Variants in PAPPA observed in about 807,000 individuals in gnomAD.
The protein encoded by PAPPA is pappalysin-1.
Under a neutral mutation model 164.0 loss-of-function variants are expected in PAPPA, and 60 were observed. The ratio of observed to expected loss-of-function variants is 0.37; its 90% confidence interval spans 0.30 to 0.45. The LOEUF (loss-of-function observed/expected upper bound fraction) is 0.45. PAPPA is among the 20% of genes least tolerant of loss of function. The pLI is 1.00. For synonymous variants in PAPPA, 875 were observed against 814.1 expected (o/e 1.07, Z -1.27); for missense variants, 1,782 against 2,087.3 (o/e 0.85, Z 2.85).
intron 21 of PAPPA, among the ~76,000 whole-genome samples, chr9:116,392,840 A>C (rs1030127456): frequency 3.9e-5 from 6 of 152,206 alleles, no homozygotes; most frequent in African/African-American, 1.4e-4. Context: ...GGGAGGCTGA[A>C]GTCCACAAGA....
chr9:116,215,605 G>A (rs1225173600), intron 4 of PAPPA, among the ~76,000 whole-genome samples: 1 of 152,170 alleles, frequency 6.6e-6, no homozygotes, highest in African/African-American at 2.4e-5. Context: ...GTGGAGAGTG[G>A]TAGGAGGGAG....
intron 9 of PAPPA, chr9:116,286,939 A>C (rs945863452): frequency 6.6e-6 from 1 of 152,136 alleles, no homozygotes; most frequent in Admixed American, 6.5e-5. Context: ...GACACCAGCT[A>C]ATTAGTGAAG....
rs540159875 is a variant in PAPPA at position 116,394,445 on chromosome 9, A to T, written c.4777-2064A>T. 1.3e-5 allele frequency among the ~76,000 whole-genome samples: 2 copies of T among 152,338 alleles called. 1 individual carries two copies. Among genetic ancestry groups the T allele is most frequent in the South Asian group, 4.1e-4 (2 of 4,828 alleles). ...ATTTTCCCAAAATCATTCAACGAGT[A>T]TGAAGCAAACAAGGATCCCAACCCA... On this transcript the variant is annotated intron_variant, in intron 21 of 21. Transcript: ENST00000328252.
At chr9:116,207,632 C>A in intron 3 of PAPPA, 31 bp downstream of exon 3, 1 of 1,586,024 alleles carries the variant, frequency 6.3e-7, no homozygotes, top group Non-Finnish European at 8.6e-7. Context: ...CAGGAGGCAA[C>A]TAGAGTAGGA....
chr9:116,157,277 A>G (rs1002033247), intron 1 of PAPPA, among the ~76,000 whole-genome samples: 1 of 152,176 alleles, frequency 6.6e-6, no homozygotes, highest in African/African-American at 2.4e-5. Flanking sequence ...AACTTCACTG[A>G]CACCAGTTCA....
At chr9:116,323,568 AG>A (rs200728692) in intron 10 of PAPPA, among the ~76,000 whole-genome samples, 4 of 152,024 alleles carry the variant, frequency 2.6e-5, no homozygotes, top group African/African-American at 9.7e-5. Flanking sequence ...AGAGAGAGAG[AG>A]AAAAAAAACA....
At chr9:116,206,299 T>G (rs1471317582) in intron 2 of PAPPA, among the ~76,000 whole-genome samples, 1 of 152,162 alleles carries the variant, frequency 6.6e-6, no homozygotes, top group Non-Finnish European at 1.5e-5. Flanking sequence ...ATGTTTGGTT[T>G]CGTGAGCTTG....
At chr9:116,193,213 A>G (rs2118642745) in intron 2 of PAPPA, among the ~76,000 whole-genome samples, 1 of 151,968 alleles carries the variant, frequency 6.6e-6, no homozygotes, top group South Asian at 2.1e-4. Flanking sequence ...ACTCCAGTTA[A>G]TGTTGTTGGA....
intron 10 of PAPPA, among the ~76,000 whole-genome samples, chr9:116,311,344 G>A (rs913326342): frequency 6.6e-6 from 1 of 152,152 alleles, no homozygotes; most frequent in Admixed American, 6.5e-5. Context: ...CATGGAGGAA[G>A]GAAGACACCA....
Position 116,154,653 on chromosome 9 carries a change from G to GC in PAPPA, c.415+66_415+67insC. The GC allele has an allele frequency of 8.0e-7, 1 of 1,257,550 alleles. No homozygotes were observed. Among genetic ancestry groups the GC allele is most frequent in the Non-Finnish European group, 1.0e-6 (1 of 1,000,724 alleles). The allele number at this position is 1,257,550 out of a possible 1,614,324, so 77.9% of individuals were successfully genotyped here. A position where few individuals can be genotyped will look rare whatever the true frequency, so the allele number is the denominator to read the frequency against. On this transcript the variant is annotated intron_variant, in intron 1 of 21. Transcript: ENST00000328252. The surrounding 1 kb of genome is among the most constrained non-coding windows in gnomAD (Gnocchi z 5.2). ...GGCCCCAGAGGCTCGCGGGTGTCTG[G>GC]GCGCGGGTGGCGGGCGGGTCGGGGG...
chr9:116,154,672 TCG>T lies in PAPPA; in HGVS notation c.415+86_415+87del. ...TGTCTGGGCGCGGGTGGCGGGCGGG[TCG>T]GGGGCTTGCGGGCGTGTCTGTGCGA... On this transcript the variant is annotated intron_variant, in intron 1 of 21. Transcript: ENST00000328252. This position sits in a 1 kb window ranked among gnomAD's most constrained non-coding sequence, Gnocchi z 5.2. 1 of 1,242,220 alleles carries T rather than the reference TCG, an allele frequency of 8.1e-7. No individual in the cohort carries two copies. The highest frequency in any genetic ancestry group is 3.2e-5 in the South Asian group (1 of 31,428). The allele number at this position is 1,242,220 out of a possible 1,614,324, so 76.9% of individuals were successfully genotyped here.
chr9:116,370,581 G>A (rs1846560250), intron 19 of PAPPA, among the ~76,000 whole-genome samples: 1 of 152,230 alleles, frequency 6.6e-6, no homozygotes, highest in African/African-American at 2.4e-5. Flanking sequence ...TTCCTACCGT[G>A]GCAGATTTCA....
At chr9:116,219,550 A>AG (rs1017078241) in intron 4 of PAPPA, among the ~76,000 whole-genome samples, 1 of 151,868 alleles carries the variant, frequency 6.6e-6, no homozygotes, top group African/African-American at 2.4e-5. Flanking sequence ...AGAGATATTG[A>AG]GTGGGGGGTG....
At chr9:116,238,771 A>C (rs1431627531) in intron 7 of PAPPA, among the ~76,000 whole-genome samples, 2 of 152,104 alleles carry the variant, frequency 1.3e-5, no homozygotes, top group Non-Finnish European at 2.9e-5. Flanking sequence ...CTGGGCTGGG[A>C]TGGGCTGGGC....
intron 5 of PAPPA, among the ~76,000 whole-genome samples, chr9:116,220,512 G>A (rs974106072): frequency 2.0e-5 from 3 of 147,012 alleles, no homozygotes; most frequent in African/African-American, 4.9e-5. Context: ...TAATTATATT[G>A]TATCATATTA....
intron 9 of PAPPA, among the ~76,000 whole-genome samples, chr9:116,273,322 A>G (rs1433540847): frequency 6.6e-6 from 1 of 152,230 alleles, no homozygotes; most frequent in African/African-American, 2.4e-5. Context: ...GGCCATAGCC[A>G]GCCTGCCCCC....
chr9:116,219,663 A>G (rs1443128233), intron 4 of PAPPA, among the ~76,000 whole-genome samples: 1 of 151,990 alleles, frequency 6.6e-6, no homozygotes, highest in Non-Finnish European at 1.5e-5. Context: ...CTTTGCCGTG[A>G]CCTCTGGGCT....
intron 9 of PAPPA, among the ~76,000 whole-genome samples, chr9:116,275,755 T>A (rs10435873): frequency 6.6e-6 from 1 of 151,770 alleles, no homozygotes; most frequent in Non-Finnish European, 1.5e-5. Context: ...CTGCTTCAAT[T>A]TAGAAGGGCT....
At chr9:116,222,123 A>G (rs902605578) in intron 5 of PAPPA, among the ~76,000 whole-genome samples, 3 of 152,214 alleles carry the variant, frequency 2.0e-5, no homozygotes, top group African/African-American at 4.8e-5. Context: ...TTCTGTGTAT[A>G]TATTTAAAGA....
Sources: gnomAD v4.1 joint callset for allele counts (sites outside exome capture counted in the v4.1 genomes callset) on GRCh38, gnomAD v4.1.1 for gene constraint, Gnocchi (gnomAD v3.1) non-coding constraint, MANE v1.5 for transcripts, NCBI Gene and HGNC (gene_info 2026-07-23, HGNC 2026-07-21) for gene names.